Variants in TMPO observed in about 807,000 individuals in gnomAD.
The protein encoded by TMPO is thymopoietin.
A neutral mutation model predicts 45.4 loss-of-function variants in TMPO; 22 were observed. The ratio of observed to expected loss-of-function variants is 0.48; its 90% CI spans 0.35 to 0.69. TMPO has a LOEUF of 0.69. TMPO is among the 30% of genes least tolerant of loss of function. The probability of loss-of-function intolerance (pLI) is 0.01; values close to 1 mark genes in which losing one functional copy is unlikely to be tolerated. For missense variants in TMPO, 512 were observed against 548.8 expected, an observed-to-expected ratio of 0.93 and a Z score of 0.67; for synonymous variants, 241 against 204.1, an observed-to-expected ratio of 1.18 and a Z score of -1.54.
intron 1 of TMPO, among the ~76,000 whole-genome samples, chr12:98,524,422 AT>A (rs1333900231): frequency 6.6e-6 from 1 of 152,116 alleles, no homozygotes; most frequent in Admixed American, 6.5e-5. Context: ...AAGTACAAAA[AT>A]TAGCTGGGCG....
chr12:98,526,407 C>G (rs1876762151), intron 1 of TMPO, among the ~76,000 whole-genome samples: 1 of 152,180 alleles, frequency 6.6e-6, no homozygotes, highest in Non-Finnish European at 1.5e-5. Flanking sequence ...GTGTAGTAAC[C>G]TACACACATC....
chr12:98,547,833 A>G lies in TMPO; in HGVS notation c.1340A>G (p.His447Arg). The change falls in exon 9 of 9, where the codon CAT becomes CGT. Residue 447 changes from histidine to arginine, a missense_variant. By Grantham distance (29) the His-to-Arg change is conservative (BLOSUM62 0). This residue lies in a region of TMPO where 209 missense variants were observed against 235.1 expected (regional missense o/e 0.89). Coordinates refer to ENST00000556029, the MANE Select transcript of TMPO (RefSeq NM_001032283.3). ...NQVNPFSNFL[H>R]VDPRKSN ...GTAAATCCCTTCTCTAATTTTCTTC[A>G]TGTTGACCCTAGAAAATCCAACTGA... The G allele has an allele frequency of 6.2e-7, 1 of 1,614,056 alleles. No homozygotes were observed. Among genetic ancestry groups the G allele is most frequent in the Non-Finnish European group, 8.5e-7 (1 of 1,180,004 alleles).
At chr12:98,530,943 T>G (rs1325744551) in intron 2 of TMPO, among the ~76,000 whole-genome samples, 1 of 152,204 alleles carries the variant, frequency 6.6e-6, no homozygotes, top group Non-Finnish European at 1.5e-5. Context: ...GAAATGTCAT[T>G]TCCCAAAAAA....
chr12:98,545,982 C>T (rs1248946173), intron 7 of TMPO, among the ~76,000 whole-genome samples: 1 of 152,226 alleles, frequency 6.6e-6, no homozygotes, highest in Non-Finnish European at 1.5e-5. Flanking sequence ...ATCCACCCGC[C>T]TCAGCCTCCC....
chr12:98,518,470 C>CTTTTTT (rs11437786), intron 1 of TMPO, among the ~76,000 whole-genome samples: 1,901 of 83,384 alleles, frequency 0.023, 89 homozygotes, highest in Non-Finnish European at 0.027. Flanking sequence ...ATTTTCTAAT[C>CTTTTTT]TTTTTTTTTT....
Position 98,548,435 on chromosome 12 carries a change from T to C in TMPO, c.*577T>C, listed in dbSNP as rs1201331579. ...TAATAGTAATGTTGTTGTAGCCCTA[T>C]CATACTCACTTTTTAAGACACAGTA... On this transcript the variant is annotated 3_prime_UTR_variant, in exon 9 of 9. Transcript: ENST00000556029. 6.5e-6 allele frequency: 1 copy of C among 153,340 alleles called. No homozygotes were observed. The highest frequency in any genetic ancestry group is 2.4e-5 in the African/African-American group (1 of 41,466). 9.5% of individuals were successfully genotyped at this position (153,340 alleles called of 1,614,324 possible).
chr12:98,538,817 TTTG>T (rs909940282), intron 4 of TMPO, among the ~76,000 whole-genome samples: 1 of 152,212 alleles, frequency 6.6e-6, no homozygotes, highest in Non-Finnish European at 1.5e-5. Context: ...GAATGAAGAC[TTTG>T]TTAACATAGA....
chr12:98,529,942 A>G (rs562328551), intron 2 of TMPO, among the ~76,000 whole-genome samples: 2 of 152,332 alleles, frequency 1.3e-5, no homozygotes, highest in South Asian at 4.1e-4. Flanking sequence ...AAAGATTTAG[A>G]ATATTTTGTT....
intron 4 of TMPO, 92 bp downstream of exon 4, chr12:98,537,664 A>T: frequency 1.1e-6 from 1 of 935,876 alleles, no homozygotes; most frequent in Non-Finnish European, 1.7e-6. Flanking sequence ...TGACACCCAG[A>T]TTCCAGCACG....
At chr12:98,546,517 C>G in intron 8 of TMPO, 70 bp downstream of exon 8, 2 of 1,193,752 alleles carry the variant, frequency 1.7e-6, no homozygotes, top group Non-Finnish European at 2.5e-6. Context: ...TTCTTCATCA[C>G]AAAGTTACTG....
At chr12:98,546,507 T>A in intron 8 of TMPO, 60 bp downstream of exon 8, 1 of 1,269,726 alleles carries the variant, frequency 7.9e-7, no homozygotes, top group Non-Finnish European at 1.2e-6. Flanking sequence ...TTATTTTTAA[T>A]TCTTCATCAC....
chr12:98,527,363 A>C (rs896202815), intron 1 of TMPO, among the ~76,000 whole-genome samples: 3 of 149,980 alleles, frequency 2.0e-5, no homozygotes, highest in African/African-American at 7.4e-5. Context: ...AAAAAAAAAA[A>C]CCACAGGCAA....
At chr12:98,537,976 G>A (rs899918028) in intron 4 of TMPO, among the ~76,000 whole-genome samples, 3 of 152,148 alleles carry the variant, frequency 2.0e-5, no homozygotes, top group African/African-American at 7.2e-5. Flanking sequence ...TGTCTTCTGC[G>A]ATTCTTTCCT....
chr12:98,536,517 C>A (rs1161457975), intron 3 of TMPO, among the ~76,000 whole-genome samples: 2 of 152,072 alleles, frequency 1.3e-5, no homozygotes. Flanking sequence ...CCAACCCTGG[C>A]TAATGTTTGT....
intron 6 of TMPO, 130 bp downstream of exon 6, chr12:98,544,667 T>A: frequency 1.3e-6 from 1 of 797,166 alleles, no homozygotes; most frequent in Non-Finnish European, 2.0e-6. Context: ...TTTAAACTGA[T>A]TTTCCCCATA....
chr12:98,528,526 C>T (rs1179690756), intron 2 of TMPO, among the ~76,000 whole-genome samples: 1 of 152,074 alleles, frequency 6.6e-6, no homozygotes, highest in Non-Finnish European at 1.5e-5. Flanking sequence ...ATCCGCCTGC[C>T]TCGGCCTCCC....
chr12:98,536,983 T>C (rs1877611648), intron 3 of TMPO, among the ~76,000 whole-genome samples: 1 of 152,222 alleles, frequency 6.6e-6, no homozygotes, highest in Non-Finnish European at 1.5e-5. Flanking sequence ...CAGTTACTTA[T>C]AGAAGCTTGG....
At chr12:98,518,365 T>C (rs1036004205) in intron 1 of TMPO, among the ~76,000 whole-genome samples, 3 of 151,888 alleles carry the variant, frequency 2.0e-5, no homozygotes, top group Non-Finnish European at 4.4e-5. Flanking sequence ...GATCATAGCT[T>C]ACTGCAGCCT....
chr12:98,540,327 C>T (rs4762495), intron 4 of TMPO, among the ~76,000 whole-genome samples: 33,026 of 152,138 alleles, frequency 0.22, 4,634 homozygotes, highest in Non-Finnish European at 0.31. Flanking sequence ...TTGAATACTT[C>T]GATGGTGACT....
Sources: allele counts gnomAD v4.1 joint callset (sites outside exome capture counted in the v4.1 genomes callset), GRCh38; gene constraint gnomAD v4.1.1; regional missense constraint gnomAD v4.1.1; transcripts MANE v1.5; gene names NCBI Gene and HGNC (gene_info 2026-07-23, HGNC 2026-07-21).